The following DZIP1 variants were observed in gnomAD, a reference collection of about 807,000 sequenced individuals.
DZIP1 encodes DAZ interacting zinc finger protein 1.
A neutral mutation model predicts 107.6 loss-of-function variants in DZIP1; 97 were observed. The observed-to-expected ratio is 0.90, with a 90% CI of 0.77 to 1.07. The LOEUF is 1.07. Among genes scored for constraint, DZIP1 ranks in the 50% least tolerant of loss-of-function variants. The pLI, the probability that DZIP1 is intolerant of heterozygous loss-of-function variation, is 0.00. For synonymous variants in DZIP1, 390 were observed against 386.4 expected (o/e 1.01, Z -0.11); for missense variants, 1,035 against 1,063.6 (o/e 0.97, Z 0.37).
Position 95,642,071 on chromosome 13 carries a change from C to T in DZIP1, c.-42G>A, listed in dbSNP as rs1428572709. The T allele has an allele frequency of 4.0e-6, 6 of 1,492,236 alleles. No individual in the cohort carries two copies. Among genetic ancestry groups the T allele is most frequent in the Non-Finnish European group, 5.3e-6 (6 of 1,130,950 alleles). The allele number at this position is 1,492,236 out of a possible 1,614,324, so 92.4% of individuals were successfully genotyped here. A position where few individuals can be genotyped will look rare whatever the true frequency, so the allele number is the denominator to read the frequency against. On this transcript the variant is annotated 5_prime_UTR_variant, in exon 4 of 23. Transcript: ENST00000376829. ...TCTTTACCCAGCCTGGGCCGCCTCC[C>T]GGGCCGCCGCCGCCACAGCCCTCAG...
At chr13:95,608,206 A>G (rs1422243185) in intron 13 of DZIP1, among the ~76,000 whole-genome samples, 1 of 151,994 alleles carries the variant, frequency 6.6e-6, no homozygotes, top group East Asian at 1.9e-4. Context: ...TGGCATCCAT[A>G]TTTTTTTGAC....
chr13:95,634,322 CTG>C (rs1341447925), intron 5 of DZIP1, among the ~76,000 whole-genome samples: 1 of 152,246 alleles, frequency 6.6e-6, no homozygotes, highest in Non-Finnish European at 1.5e-5. Flanking sequence ...GTCACAGTCT[CTG>C]TCACATCACG....
intron 5 of DZIP1, among the ~76,000 whole-genome samples, chr13:95,637,602 C>T (rs937734429): frequency 1.8e-5 from 1 of 54,958 alleles, no homozygotes; most frequent in Non-Finnish European, 3.8e-5. Context: ...GAGACATTAG[C>T]GATCTCTCTC....
chr13:95,631,695 T>C (rs2139378516), intron 6 of DZIP1, among the ~76,000 whole-genome samples: 1 of 152,092 alleles, frequency 6.6e-6, no homozygotes, highest in Non-Finnish European at 1.5e-5. Context: ...CCCAAACACA[T>C]CTTAGTATCT....
chr13:95,624,688 G>A (rs763085007), intron 8 of DZIP1, 80 bp downstream of exon 8: 34 of 1,262,096 alleles, frequency 2.7e-5, no homozygotes, highest in Non-Finnish European at 3.7e-5. Context: ...GTAACTGCTG[G>A]ATCCCCTGGC....
chr13:95,612,011 C>T lies in DZIP1; in HGVS notation c.1314+26G>A, dbSNP rs373556642. ...ATAGACTGCGTTGCTTAAAGAAGCA[C>T]GGTGCCACACTGCCGCCAGACATAC... On this transcript the variant is annotated intron_variant, in intron 11 of 22. Transcript: ENST00000376829. 16 of 1,607,172 alleles carry T rather than the reference C, an allele frequency of 1.0e-5. No homozygotes were observed. In the African/African-American group the frequency reaches 1.2e-4, roughly 12 times the overall value.
intron 15 of DZIP1, among the ~76,000 whole-genome samples, chr13:95,597,451 T>C (rs1190321962): frequency 6.6e-6 from 1 of 152,228 alleles, no homozygotes; most frequent in Non-Finnish European, 1.5e-5. Context: ...TGTGTCATTA[T>C]TCAGAACTCA....
chr13:95,618,170 T>C (rs1875379109), intron 10 of DZIP1, among the ~76,000 whole-genome samples: 1 of 152,220 alleles, frequency 6.6e-6, no homozygotes, highest in Non-Finnish European at 1.5e-5. Context: ...TAGGGCACTC[T>C]GCATTTATCC....
Position 95,639,606 on chromosome 13 carries a change from A to AAG in DZIP1, c.597+1687_597+1688dup, listed in dbSNP as rs1241878952. Among the ~76,000 whole-genome samples, 1,094 of 148,974 alleles carry AAG rather than the reference A, an allele frequency of 7.3e-3. 7 individuals carry two copies. The highest frequency in any genetic ancestry group is 0.011 in the Non-Finnish European group (735 of 67,540). On this transcript the variant is annotated intron_variant, in intron 5 of 22. Coordinates refer to ENST00000376829, the MANE Select transcript of DZIP1 (RefSeq NM_198968.4). ...ACTCCATCTCAAAAAAAAAAAAAAA[A>AAG]AGAGAGAGAGAGAGAAAGAGAAAGA...
intron 10 of DZIP1, among the ~76,000 whole-genome samples, chr13:95,614,468 G>A (rs1874793545): frequency 6.6e-6 from 1 of 151,978 alleles, no homozygotes; most frequent in Non-Finnish European, 1.5e-5. Context: ...CAACTACATG[G>A]GGAGTTGCTC....
intron 5 of DZIP1, among the ~76,000 whole-genome samples, chr13:95,639,681 GAA>G (rs11436964): frequency 6.7e-6 from 1 of 150,202 alleles, no homozygotes; most frequent in East Asian, 2.0e-4. Context: ...CCCAAAAAAG[GAA>G]AAAAAAGTTT....
rs184604836 is a variant in DZIP1 at position 95,579,933 on chromosome 13, G to T, written c.*2301C>A. The T allele has an allele frequency of 6.6e-6, 1 of 152,252 alleles. No homozygotes were observed. The highest frequency in any genetic ancestry group is 2.4e-5 in the African/African-American group (1 of 41,550). 9.4% of individuals were successfully genotyped at this position (152,252 alleles called of 1,614,324 possible). On this transcript the variant is annotated 3_prime_UTR_variant, in exon 23 of 23. Transcript: ENST00000376829. ...TTACACCGAAGAATTTAGGGAGGGT[G>T]GGGGATGAAGGTCTGTTAGTAACCA...
At chr13:95,628,694 C>G (rs1286696763) in intron 7 of DZIP1, among the ~76,000 whole-genome samples, 1 of 152,170 alleles carries the variant, frequency 6.6e-6, no homozygotes, top group Non-Finnish European at 1.5e-5. Flanking sequence ...AACTATCATT[C>G]AGCCTGAAAA....
chr13:95,597,732 T>C (rs1464806637), intron 15 of DZIP1, among the ~76,000 whole-genome samples: 1 of 152,128 alleles, frequency 6.6e-6, no homozygotes, highest in Non-Finnish European at 1.5e-5. Flanking sequence ...GGGTATTGTA[T>C]TGTGGCACAA....
intron 22 of DZIP1, among the ~76,000 whole-genome samples, chr13:95,584,274 CAAAAA>C (rs761989023): frequency 5.0e-5 from 1 of 20,102 alleles, no homozygotes; most frequent in Non-Finnish European, 1.0e-4. Flanking sequence ...TGCGCCTGGC[CAAAAA>C]AAAAAAAAAA....
intron 5 of DZIP1, among the ~76,000 whole-genome samples, chr13:95,639,998 A>T (rs932869968): frequency 4.1e-4 from 59 of 142,988 alleles, no homozygotes; most frequent in African/African-American, 1.3e-3. Flanking sequence ...ATTTTTATTT[A>T]TTTTTTTTTT....
In DZIP1 at chr13:95,622,389, G is replaced by A. The variant is rs375230518; in HGVS notation, c.1064C>T (p.Pro355Leu). The part of the protein sequence containing the change: ...DAHEFKEDRS[P>L]YPQDFHNVMQ... Reference sequence around the variant, plus strand: ...GACATTATGGAAATCCTGGGGATATGGAGAACGGTCTTCTTTAAACTCGTG... The same window carrying A: ...GACATTATGGAAATCCTGGGGATATAGAGAACGGTCTTCTTTAAACTCGTG... The change falls in exon 9 of 23, where the codon CCA becomes CTA. Residue 355 changes from proline to leucine, a missense_variant. Transcript: ENST00000376829. 21 of 1,614,076 alleles carry A rather than the reference G, an allele frequency of 1.3e-5. No individual in the cohort carries two copies. The African/African-American group carries it at 2.7e-4, about 21-fold the overall frequency.
intron 5 of DZIP1, among the ~76,000 whole-genome samples, chr13:95,640,578 AT>A (rs1028993132): frequency 9.9e-5 from 15 of 152,178 alleles, no homozygotes; most frequent in African/African-American, 3.1e-4. Flanking sequence ...TAAAAAAAAA[AT>A]ACATTGGTTT....
intron 9 of DZIP1, among the ~76,000 whole-genome samples, chr13:95,622,123 A>G (rs965779494): frequency 3.3e-5 from 5 of 152,226 alleles, no homozygotes; most frequent in African/African-American, 9.6e-5. Context: ...GAGAAGAAAC[A>G]AAACAGTTCT....
Sources: gnomAD v4.1 joint callset for allele counts (sites outside exome capture counted in the v4.1 genomes callset) on GRCh38, gnomAD v4.1.1 for gene constraint, MANE v1.5 for transcripts, NCBI Gene and HGNC (gene_info 2026-07-23, HGNC 2026-07-21) for gene names.